TUB: variants seen among roughly 807,000 people sequenced by gnomAD.
The protein encoded by TUB is tubby protein homolog.
A neutral mutation model predicts 59.7 loss-of-function variants in TUB; 33 were observed. That is an observed-to-expected ratio of 0.55 (90% CI 0.42 to 0.74). The LOEUF (loss-of-function observed/expected upper bound fraction) is 0.74, where lower values mean the gene tolerates loss of function less well. Among genes scored for constraint, TUB ranks in the 30% least tolerant of loss-of-function variants. The pLI, the probability that TUB is intolerant of heterozygous loss-of-function variation, is 0.00. For synonymous variants in TUB, 293 were observed against 256.4 expected (o/e 1.14, Z -1.36); for missense variants, 659 against 672.0 (o/e 0.98, Z 0.21).
intron 1 of TUB, 139 bp from the exon 2 acceptor site, chr11:8,089,468 CCTT>C: frequency 1.0e-6 from 1 of 997,656 alleles, no homozygotes; most frequent in Non-Finnish European, 1.5e-6. Flanking sequence ...CACCCTTCCT[CCTT>C]CTACCATGTG....
At chr11:8,066,118 C>T (rs1256529677) in intron 2 of TUB, among the ~76,000 whole-genome samples, 1 of 152,054 alleles carries the variant, frequency 6.6e-6, no homozygotes, top group Non-Finnish European at 1.5e-5. Context: ...GGGAGGCTGC[C>T]CTGAGGCTGT....
intron 2 of TUB, among the ~76,000 whole-genome samples, chr11:8,054,476 G>A (rs1247482398): frequency 6.6e-6 from 1 of 152,118 alleles, no homozygotes; most frequent in Admixed American, 6.5e-5. Context: ...GACAGAGAGA[G>A]AGCACAAGTG....
chr11:8,098,909 A>AGGTAG, intron 9 of TUB, 34 bp downstream of exon 9: 1 of 1,493,184 alleles, frequency 6.7e-7, no homozygotes, highest in Non-Finnish European at 9.3e-7. Context: ...CTGATTTCCA[A>AGGTAG]GGTAGATATG....
At position 8,097,286 on chromosome 11, in the gene TUB, A is replaced by G. The variant is rs770851198; in HGVS notation, c.746A>G (p.Gln249Arg). ...GAGCAACCAGTGGACGTTGAGGTCC[A>G]GGATCTTGAGGAGTTTGCACTGAGG... ...APEQPVDVEV[Q>R]DLEEFALRPA... The change falls in exon 7 of 12, where the codon CAG becomes CGG. Residue 249 changes from glutamine to arginine, a missense_variant. Physicochemically the swap from Gln to Arg is conservative, Grantham distance 43. This residue lies in a region of TUB where 112 missense variants were observed against 156.9 expected (regional missense o/e 0.71). Transcript: ENST00000299506. 25 of 1,614,208 alleles carry G rather than the reference A, an allele frequency of 1.5e-5. No homozygotes were observed. The highest frequency in any genetic ancestry group is 2.0e-5 in the Non-Finnish European group (24 of 1,180,034).
In TUB at chr11:8,081,648, C is replaced by T; in HGVS notation, c.38+100C>T. 6 of 1,306,724 alleles carry T rather than the reference C, an allele frequency of 4.6e-6. No individual in the cohort carries two copies. In the African/African-American group the frequency reaches 4.6e-5, roughly 10 times the overall value. The allele number at this position is 1,306,724 out of a possible 1,614,324, so 80.9% of individuals were successfully genotyped here. On this transcript the variant is annotated intron_variant, in intron 1 of 11. Coordinates refer to ENST00000299506, the MANE Select transcript of TUB (RefSeq NM_177972.3). ...GCGCAGGGCACCGCTGCCCTCCCCA[C>T]CTATCCCAGCACTGGGGCGCGGGTT... is the stretch of plus-strand genomic sequence containing the variant.
intron 1 of TUB, among the ~76,000 whole-genome samples, chr11:8,084,138 A>G (rs980466362): frequency 3.9e-5 from 6 of 152,050 alleles, no homozygotes; most frequent in Admixed American, 1.3e-4. Flanking sequence ...TTGGTTTGGG[A>G]GAGAGGGGTT....
chr11:8,094,327 C>G (rs544412409), intron 4 of TUB, 138 bp downstream of exon 4: 1 of 1,186,874 alleles, frequency 8.4e-7, no homozygotes, highest in East Asian at 2.6e-5. Flanking sequence ...ACTCTGGGCA[C>G]CCCCTCAGGT....
At chr11:8,093,239 A>G (rs575112483) in intron 3 of TUB, among the ~76,000 whole-genome samples, 2 of 152,016 alleles carry the variant, frequency 1.3e-5, no homozygotes, top group South Asian at 4.2e-4. Context: ...GGAGTTGATC[A>G]CTGAGGGGGG....
At chr11:8,063,135 G>A (rs1943166164) in intron 2 of TUB, among the ~76,000 whole-genome samples, 1 of 152,132 alleles carries the variant, frequency 6.6e-6, no homozygotes, top group Non-Finnish European at 1.5e-5. Flanking sequence ...GTCCACAGCA[G>A]CCCCTGTCCA....
Position 8,067,071 on chromosome 11 carries a change from C to T in TUB, c.204-22539C>T, listed in dbSNP as rs139059990. On this transcript the variant is annotated intron_variant, in intron 2 of 12. Coordinates refer to the TUB transcript ENST00000305253. ...CTCCACTCCCGGCTCCTGATCTGCTCCCATTCCTCCACCGTCTGGCCTCAC... is the reference window on the plus strand; with the variant it reads ...CTCCACTCCCGGCTCCTGATCTGCTTCCATTCCTCCACCGTCTGGCCTCAC... Among the ~76,000 whole-genome samples, 5 of 152,342 alleles carry T rather than the reference C, an allele frequency of 3.3e-5. No homozygotes were observed. In the East Asian group the frequency reaches 7.7e-4, roughly 23 times the overall value.
At chr11:8,093,061 G>T (rs536135232) in intron 3 of TUB, among the ~76,000 whole-genome samples, 2 of 152,150 alleles carry the variant, frequency 1.3e-5, no homozygotes, top group Non-Finnish European at 2.9e-5. Context: ...CTGCTTTCAC[G>T]GACCTTACAG....
intron 1 of TUB, among the ~76,000 whole-genome samples, chr11:8,026,513 A>G (rs1447883643): frequency 6.6e-6 from 1 of 150,568 alleles, no homozygotes; most frequent in East Asian, 1.9e-4. Context: ...AGCAGCATTC[A>G]TTGAAAAAAA....
intron 2 of TUB, among the ~76,000 whole-genome samples, chr11:8,058,104 C>G (rs927392274): frequency 2.6e-5 from 4 of 151,556 alleles, no homozygotes; most frequent in Non-Finnish European, 5.9e-5. Flanking sequence ...CCCAGCTACT[C>G]AGGAGGCTGA....
At chr11:8,084,933 C>T (rs1943637897) in intron 1 of TUB, among the ~76,000 whole-genome samples, 2 of 152,338 alleles carry the variant, frequency 1.3e-5, no homozygotes, top group South Asian at 4.1e-4. Flanking sequence ...CCCTGCCACA[C>T]GGCCTCCCAT....
intron 2 of TUB, among the ~76,000 whole-genome samples, chr11:8,067,045 G>GCTC (rs1943257044): frequency 6.6e-6 from 1 of 152,128 alleles, no homozygotes; most frequent in South Asian, 2.1e-4. Context: ...GCTCCAGGCA[G>GCTC]CTCCACTCCC....
At chr11:8,038,557 A>G (rs1041499580), upstream of TUB, 5 of 1,083,206 alleles carry the variant, frequency 4.6e-6, no homozygotes, top group East Asian at 2.1e-4. Context: ...TAACCCACAG[A>G]TGCAGAGAGA....
At chr11:8,065,104 G>T (rs990604041) in intron 2 of TUB, among the ~76,000 whole-genome samples, 1 of 152,168 alleles carries the variant, frequency 6.6e-6, no homozygotes, top group South Asian at 2.1e-4. Flanking sequence ...GCTGGCTGGG[G>T]GATCATCACT....
Position 8,095,604 on chromosome 11 carries a change from G to A in TUB, c.504G>A (p.Thr168=), listed in dbSNP as rs372520211. 5.6e-6 allele frequency: 9 copies of A among 1,612,518 alleles called. No individual in the cohort carries two copies. The highest frequency in any genetic ancestry group is 1.6e-4 in the Middle Eastern group (1 of 6,082). Residue 168 remains threonine (T), a synonymous_variant, in exon 5 of 12, where the codon ACG becomes ACA. Coordinates refer to ENST00000299506, the MANE Select transcript of TUB (RefSeq NM_177972.3). ...QSDHAQDAGE[T]AAGGGERPSG... is the part of the protein sequence containing the mutation. ...ACCACGCCCAGGACGCAGGGGAGACGGCAGCTGGTGGGGGCGAACGGCCCA... is the reference window on the plus strand; with the variant it reads ...ACCACGCCCAGGACGCAGGGGAGACAGCAGCTGGTGGGGGCGAACGGCCCA...
At chr11:8,036,529 C>T (rs1484679063), upstream of TUB, among the ~76,000 whole-genome samples, 2 of 152,158 alleles carry the variant, frequency 1.3e-5, no homozygotes, top group Non-Finnish European at 2.9e-5. Context: ...TTCTGTGGGG[C>T]CATGGAGGAC....
Sources: allele counts gnomAD v4.1 joint callset (sites outside exome capture counted in the v4.1 genomes callset), GRCh38; gene constraint gnomAD v4.1.1; regional missense constraint gnomAD v4.1.1; transcripts MANE v1.5; gene names NCBI Gene and HGNC (gene_info 2026-07-23, HGNC 2026-07-21).